SLC8A1: variants seen among roughly 807,000 people sequenced by gnomAD.
SLC8A1 encodes the protein sodium/calcium exchanger 1.
SLC8A1 carries 18 observed loss-of-function variants against 68.3 expected under a neutral mutation model. The observed-to-expected ratio is 0.26, with a 90% CI of 0.18 to 0.39. The LOEUF (loss-of-function observed/expected upper bound fraction) is 0.39, where lower values mean the gene tolerates loss of function less well. Ranked by LOEUF, SLC8A1 falls within the 10% of genes least tolerant of loss-of-function variation. The pLI is 1.00. For missense variants in SLC8A1, 985 were observed against 1,156.7 expected (o/e 0.85, Z 2.15); for synonymous variants, 475 against 415.5 (o/e 1.14, Z -1.74).
chr2:40,446,181 G>A (rs1371221347), intron 1 of SLC8A1, among the ~76,000 whole-genome samples: 1 of 152,164 alleles, frequency 6.6e-6, no homozygotes, highest in East Asian at 1.9e-4. Context: ...CTTTAATAAA[G>A]GAACAAGTTA....
At chr2:40,424,286 T>C (rs764690735) in intron 2 of SLC8A1, among the ~76,000 whole-genome samples, 1 of 151,846 alleles carries the variant, frequency 6.6e-6, no homozygotes, top group Non-Finnish European at 1.5e-5. Flanking sequence ...CTGGCTGTCT[T>C]ATTGTATTTT....
intron 2 of SLC8A1, among the ~76,000 whole-genome samples, chr2:40,391,413 C>G (rs1179039121): frequency 1.3e-5 from 2 of 151,944 alleles, no homozygotes; most frequent in South Asian, 2.1e-4. Context: ...TTTCTGGAAG[C>G]TCTAATCTCC....
At chr2:40,298,507 G>A (rs372707164) in intron 2 of SLC8A1, among the ~76,000 whole-genome samples, 1 of 152,150 alleles carries the variant, frequency 6.6e-6, no homozygotes, top group Non-Finnish European at 1.5e-5. Context: ...GAGGCACACA[G>A]GGGAGTACTC....
chr2:40,163,197 A>C (rs1309804850), intron 5 of SLC8A1, among the ~76,000 whole-genome samples: 2 of 152,180 alleles, frequency 1.3e-5, no homozygotes, highest in Admixed American at 6.5e-5. Context: ...GGTTACCAGA[A>C]AGGGCTTTGG....
chr2:40,421,640 C>T (rs892320833), intron 2 of SLC8A1, among the ~76,000 whole-genome samples: 1 of 152,170 alleles, frequency 6.6e-6, no homozygotes, highest in Non-Finnish European at 1.5e-5. Context: ...TTCTGCTTTT[C>T]GTTCTTACCT....
At chr2:40,422,459 T>C (rs1047846345) in intron 2 of SLC8A1, among the ~76,000 whole-genome samples, 3 of 152,108 alleles carry the variant, frequency 2.0e-5, no homozygotes, top group Admixed American at 6.6e-5. Context: ...ACCCTCAAGG[T>C]TGCTCTACTC....
chr2:40,139,383 C>A lies in SLC8A1; in HGVS notation c.2437+18G>T. 7.4e-6 allele frequency: 12 copies of A among 1,612,974 alleles called. No homozygotes were observed. Among genetic ancestry groups the A allele is most frequent in the Non-Finnish European group, 1.0e-5 (12 of 1,179,158 alleles). ...AACTTCTGCTACTGGGGGAATTATA[C>A]ATGAATGTAATTTGTACCTGGCACT... On this transcript the variant is annotated intron_variant, in intron 7 of 7. Coordinates refer to ENST00000406785, the Ensembl canonical transcript of SLC8A1.
At chr2:40,401,304 C>G (rs1003391490) in intron 2 of SLC8A1, among the ~76,000 whole-genome samples, 1 of 152,148 alleles carries the variant, frequency 6.6e-6, no homozygotes, top group Non-Finnish European at 1.5e-5. Flanking sequence ...GTTTTCCTGC[C>G]TCTATGTATT....
intron 2 of SLC8A1, among the ~76,000 whole-genome samples, chr2:40,194,504 T>TGC (rs2052559959): frequency 7.0e-6 from 1 of 143,324 alleles, no homozygotes; most frequent in Non-Finnish European, 1.5e-5. Flanking sequence ...TGTGTGTGTG[T>TGC]GTGCGCGCGC....
At chr2:40,500,388 T>C (rs1489110583) in intron 1 of SLC8A1, among the ~76,000 whole-genome samples, 1 of 152,088 alleles carries the variant, frequency 6.6e-6, no homozygotes, top group Non-Finnish European at 1.5e-5. Context: ...TAACCGTGGC[T>C]TCAATATTCC....
At chr2:40,151,805 C>T (rs2043492111) in intron 6 of SLC8A1, among the ~76,000 whole-genome samples, 1 of 152,208 alleles carries the variant, frequency 6.6e-6, no homozygotes, top group South Asian at 2.1e-4. Flanking sequence ...ATCATGTTTT[C>T]TTTAAAGTTT....
chr2:40,210,409 G>A (rs2056369890), intron 2 of SLC8A1, among the ~76,000 whole-genome samples: 1 of 152,142 alleles, frequency 6.6e-6, no homozygotes, highest in African/African-American at 2.4e-5. Context: ...GTTTCTAAAG[G>A]TTTCAAGGGG....
chr2:40,364,526 T>C (rs1675508698), intron 2 of SLC8A1, among the ~76,000 whole-genome samples: 1 of 151,812 alleles, frequency 6.6e-6, no homozygotes. Context: ...TTTGTTGTTG[T>C]TCTCTCCCCA....
intron 1 of SLC8A1, among the ~76,000 whole-genome samples, chr2:40,478,059 G>A (rs1704400167): frequency 6.6e-6 from 1 of 152,122 alleles, no homozygotes; most frequent in African/African-American, 2.4e-5. Context: ...CAGTAATACA[G>A]TTTCTGAAGA....
At chr2:40,142,615 TAATG>T (rs992969378) in intron 6 of SLC8A1, among the ~76,000 whole-genome samples, 1 of 152,138 alleles carries the variant, frequency 6.6e-6, no homozygotes, top group Non-Finnish European at 1.5e-5. Context: ...AGAGAACAAA[TAATG>T]AAGCTTCTCA....
At position 40,133,351 on chromosome 2, in the gene SLC8A1, A is replaced by G. The variant is rs574836747; in HGVS notation, c.2437+6050T>C. Reference sequence around the variant, plus strand: ...AAAAATGACATAAATTTTCCCCAACATAAGGTTTTATTTTATTAAAAAGGT... The same window carrying G: ...AAAAATGACATAAATTTTCCCCAACGTAAGGTTTTATTTTATTAAAAAGGT... On this transcript the variant is annotated intron_variant, in intron 7 of 7. Transcript: ENST00000406785. 9.5e-5 allele frequency among the ~76,000 whole-genome samples: 14 copies of G among 147,630 alleles called. No individual in the cohort carries two copies. The South Asian group carries it at 1.4e-3, about 14-fold the overall frequency.
chr2:40,368,716 C>T lies in SLC8A1; in HGVS notation c.1808+59757G>A, dbSNP rs1028054507. Among the ~76,000 whole-genome samples, 3 of 151,928 alleles carry T rather than the reference C, an allele frequency of 2.0e-5. No homozygotes were observed. In the South Asian group the frequency reaches 6.2e-4, roughly 31 times the overall value. Reference sequence around the variant, plus strand: ...CAGGTTAAGCCTAGTACCCGTTAGTCATTTTTTTCTGATCCTCTCTTTCCT... The same window carrying T: ...CAGGTTAAGCCTAGTACCCGTTAGTTATTTTTTTCTGATCCTCTCTTTCCT... On this transcript the variant is annotated intron_variant, in intron 2 of 7. Coordinates refer to ENST00000406785, the Ensembl canonical transcript of SLC8A1.
chr2:40,254,966 T>C (rs1030500874), intron 2 of SLC8A1: 7 of 152,220 alleles, frequency 4.6e-5, no homozygotes, highest in Non-Finnish European at 1.0e-4. Context: ...GAGTCTTCCA[T>C]TCCTTCTATC....
At chr2:40,452,466 C>A (rs929443317), upstream of SLC8A1, among the ~76,000 whole-genome samples, 7 of 152,148 alleles carry the variant, frequency 4.6e-5, no homozygotes, top group Non-Finnish European at 1.0e-4. Flanking sequence ...CCCAGCCCAT[C>A]GATGACACGC....
Sources: gnomAD v4.1 joint callset for allele counts (sites outside exome capture counted in the v4.1 genomes callset) on GRCh38, gnomAD v4.1.1 for gene constraint, MANE v1.5 for transcripts, NCBI Gene and HGNC (gene_info 2026-07-23, HGNC 2026-07-21) for gene names.